The following TBKBP1 variants were observed in gnomAD, a reference collection of about 807,000 sequenced individuals.
TBKBP1 encodes TANK-binding kinase 1-binding protein 1.
In TBKBP1, 47 loss-of-function variants were observed where a neutral mutation model predicts 69.9. The observed-to-expected ratio is 0.67, with a 90% confidence interval of 0.53 to 0.86. The LOEUF is 0.86. Among genes scored for constraint, TBKBP1 ranks in the 40% least tolerant of loss-of-function variants. The pLI, the probability that TBKBP1 is intolerant of heterozygous loss-of-function variation, is 0.00. For synonymous variants in TBKBP1, 418 were observed against 390.3 expected (o/e 1.07, Z -0.84); for missense variants, 831 against 858.6 (o/e 0.97, Z 0.40).
chr17:47,709,246 C>G lies in TBKBP1; in HGVS notation c.1513C>G (p.Pro505Ala). 5 of 1,522,170 alleles carry G rather than the reference C, an allele frequency of 3.3e-6. No homozygotes were observed. Among genetic ancestry groups the G allele is most frequent in the Non-Finnish European group, 4.4e-6 (5 of 1,143,534 alleles). 94.3% of individuals were successfully genotyped at this position (1,522,170 alleles called of 1,614,324 possible). A position where few individuals can be genotyped will look rare whatever the true frequency, so the allele number is the denominator to read the frequency against. ...CTACGGCCCTGGCAGGCCCCTCAGC[C>G]CGCGGCGCGCCTTCGAGGGCATCCG... ...ELYGPGRPLS[P>A]RRAFEGIRLR... is the part of the protein sequence containing the mutation. Residue 505 changes from proline (P) to alanine (A), a missense_variant, in exon 9 of 10, where the codon CCG (proline) becomes GCG (alanine). By Grantham distance (27) the Pro-to-Ala change is conservative. Transcript: ENST00000578982.
Position 47,708,775 on chromosome 17 carries a change from CCCTCCCCCTCCCCGCCTGCCCG to C in TBKBP1, c.1043_1064del (p.Pro348GlnfsTer98). ...ACGCCACTCCCCGGCCCCCCAGTGCCCCTCCCCCTCCCCGCCTGCCCGAGCGGCTCCCCCGTGCCCCCCGTGC... is the reference window on the plus strand; with the variant it reads ...ACGCCACTCCCCGGCCCCCCAGTGCCAGCGGCTCCCCCGTGCCCCCCGTGC... On this transcript the variant is annotated frameshift_variant, in exon 9 of 10. Coordinates refer to ENST00000578982, the MANE Select transcript of TBKBP1 (RefSeq NM_001394755.1). LOFTEE classifies it high-confidence loss of function. The surrounding 1 kb of genome is among the most constrained non-coding windows in gnomAD (Gnocchi z 4.4). The C allele has an allele frequency of 2.2e-6, 2 of 913,852 alleles. No homozygotes were observed. The highest frequency in any genetic ancestry group is 3.3e-6 in the Non-Finnish European group (2 of 612,708). 56.6% of individuals were successfully genotyped at this position (913,852 alleles called of 1,614,324 possible).
rs934579261 is a variant in TBKBP1 at position 47,708,150 on chromosome 17, G to T, written c.873-244G>T. Among the ~76,000 whole-genome samples the T allele has an allele frequency of 6.6e-6, 1 of 152,226 alleles. No homozygotes were observed. Among genetic ancestry groups the T allele is most frequent in the African/African-American group, 2.4e-5 (1 of 41,456 alleles). ...CTCTGCTCCCTGTCCCTGCACTTAG[G>T]CTGGGAACCACTGCCCTAGCCCAGG... On this transcript the variant is annotated intron_variant, in intron 7 of 9. Transcript: ENST00000578982. This position sits in a 1 kb window ranked among gnomAD's most constrained non-coding sequence, Gnocchi z 4.4.
At chr17:47,696,624 C>G (rs2031253184) in intron 2 of TBKBP1, 87 bp from the exon 3 acceptor site, 3 of 1,595,134 alleles carry the variant, frequency 1.9e-6, no homozygotes, top group Non-Finnish European at 2.6e-6. Flanking sequence ...AGGTCTGAGG[C>G]AGGTTGTGGG....
At chr17:47,695,971 T>A (rs1339614597) in intron 1 of TBKBP1, 108 bp from the exon 2 acceptor site, 14 of 640,986 alleles carry the variant, frequency 2.2e-5, no homozygotes, top group Non-Finnish European at 3.5e-5. Flanking sequence ...GCAGGAAGTT[T>A]CTGGGTTGCA....
At position 47,699,124 on chromosome 17, in the gene TBKBP1, T is replaced by C. The variant is rs200957453; in HGVS notation, c.635-196T>C. Among the ~76,000 whole-genome samples the C allele has an allele frequency of 3.9e-5, 6 of 152,274 alleles. No individual in the cohort carries two copies. The East Asian group carries it at 1.2e-3, about 29-fold the overall frequency. ...AGCCTTCAAGAGCCCATCTTATTTTTTTCCTGGCCTCCAGGAAAATTAGAA... is the reference window on the plus strand; with the variant it reads ...AGCCTTCAAGAGCCCATCTTATTTTCTTCCTGGCCTCCAGGAAAATTAGAA... On this transcript the variant is annotated intron_variant, in intron 5 of 9. Transcript: ENST00000578982.
intron 7 of TBKBP1, among the ~76,000 whole-genome samples, chr17:47,701,257 C>T (rs894249599): frequency 6.6e-6 from 1 of 152,094 alleles, no homozygotes. Flanking sequence ...GACCCCTCAG[C>T]TAGGCCTTTG....
chr17:47,706,524 T>C (rs1437265727), intron 7 of TBKBP1, among the ~76,000 whole-genome samples: 1 of 152,142 alleles, frequency 6.6e-6, no homozygotes, highest in African/African-American at 2.4e-5. Context: ...CAGCAGCAGC[T>C]TCTGGGACTC....
In TBKBP1 at chr17:47,710,683, TC is replaced by T; in HGVS notation, c.*58del. The T allele has an allele frequency of 6.4e-7, 1 of 1,561,418 alleles. No individual in the cohort carries two copies. Among genetic ancestry groups the T allele is most frequent in the Non-Finnish European group, 8.7e-7 (1 of 1,143,842 alleles). ...GTCCTCTCCTATCACCCCCAAACACTCACTTTGAATGCTGCATGAATCTCGT... is the reference window on the plus strand; with the variant it reads ...GTCCTCTCCTATCACCCCCAAACACTACTTTGAATGCTGCATGAATCTCGT... On this transcript the variant is annotated 3_prime_UTR_variant, in exon 10 of 10. Coordinates refer to ENST00000578982, the MANE Select transcript of TBKBP1 (RefSeq NM_001394755.1).
At chr17:47,709,493 CT>C in intron 9 of TBKBP1, 41 bp downstream of exon 9, 1 of 1,460,648 alleles carries the variant, frequency 6.8e-7, no homozygotes, top group Non-Finnish European at 9.0e-7. Context: ...CGGACCGGGC[CT>C]TGAGATTGAG....
intron 7 of TBKBP1, among the ~76,000 whole-genome samples, chr17:47,700,219 G>C (rs1422368778): frequency 6.8e-6 from 1 of 148,054 alleles, no homozygotes; most frequent in Non-Finnish European, 1.5e-5. Context: ...TCGATCTCCT[G>C]ACCTTGTGAT....
rs777174458 is a variant in TBKBP1 at position 47,709,249 on chromosome 17, C to T, written c.1516C>T (p.Arg506Trp). ...CGGCCCTGGCAGGCCCCTCAGCCCG[C>T]GGCGCGCCTTCGAGGGCATCCGGCT... ...LYGPGRPLSP[R>W]RAFEGIRLRF... The change falls in exon 9 of 10, where the codon CGG (arginine) becomes TGG (tryptophan). Residue 506 changes from arginine to tryptophan, a missense_variant. Transcript: ENST00000578982. 5.9e-6 allele frequency: 9 copies of T among 1,522,698 alleles called. No individual in the cohort carries two copies. The highest frequency in any genetic ancestry group is 7.9e-6 in the Non-Finnish European group (9 of 1,143,842). The allele number at this position is 1,522,698 out of a possible 1,614,324, so 94.3% of individuals were successfully genotyped here.
At chr17:47,710,408 C>T (rs942459087) in intron 9 of TBKBP1, 90 bp from the exon 10 acceptor site, 5 of 1,532,696 alleles carry the variant, frequency 3.3e-6, no homozygotes, top group African/African-American at 2.7e-5. Flanking sequence ...ACAGCCCTCC[C>T]TGCCCTGGGT....
At chr17:47,696,655 A>C in intron 2 of TBKBP1, 56 bp from the exon 3 acceptor site, 4 of 1,611,634 alleles carry the variant, frequency 2.5e-6, no homozygotes, top group Non-Finnish European at 1.7e-6. Context: ...AGCCAGGCTG[A>C]GGCCTGGGCT....
chr17:47,708,545 C>G lies in TBKBP1; in HGVS notation c.991+33C>G, dbSNP rs374375608. The G allele has an allele frequency of 1.2e-6, 2 of 1,606,582 alleles. No individual in the cohort carries two copies. Among genetic ancestry groups the G allele is most frequent in the Non-Finnish European group, 1.7e-6 (2 of 1,174,468 alleles). ...GGGGCAGGGCAGGGGGAGGCAGCCG[C>G]GGGACCCGGGAAGGAGCGGGTAGCC... On this transcript the variant is annotated intron_variant, in intron 8 of 9. Coordinates refer to ENST00000578982, the MANE Select transcript of TBKBP1 (RefSeq NM_001394755.1). This position sits in a 1 kb window ranked among gnomAD's most constrained non-coding sequence, Gnocchi z 4.4.
At chr17:47,703,402 T>TC (rs1567907459) in intron 7 of TBKBP1, among the ~76,000 whole-genome samples, 1 of 152,062 alleles carries the variant, frequency 6.6e-6, no homozygotes, top group Non-Finnish European at 1.5e-5. Flanking sequence ...GCCCAGGGCC[T>TC]CCCCCTTCAC....
Position 47,710,782 on chromosome 17 carries a change from G to A in TBKBP1, c.*156G>A. 9.0e-7 allele frequency: 1 copy of A among 1,111,860 alleles called. No individual in the cohort carries two copies. Among genetic ancestry groups the A allele is most frequent in the Non-Finnish European group, 1.3e-6 (1 of 785,468 alleles). The allele number at this position is 1,111,860 out of a possible 1,614,324, so 68.9% of individuals were successfully genotyped here. A position where few individuals can be genotyped will look rare whatever the true frequency, so the allele number is the denominator to read the frequency against. On this transcript the variant is annotated 3_prime_UTR_variant, in exon 10 of 10. Coordinates refer to ENST00000578982, the MANE Select transcript of TBKBP1 (RefSeq NM_001394755.1). Reference sequence around the variant, plus strand: ...AGTCAACGTGTGTGCCATCTTCCCTGGTCCAGGCACCACTCAGCTCTGGCT... The same window carrying A: ...AGTCAACGTGTGTGCCATCTTCCCTAGTCCAGGCACCACTCAGCTCTGGCT...
chr17:47,709,442 C>A lies in TBKBP1; in HGVS notation c.1709C>A (p.Pro570Gln), dbSNP rs774732951. 6.5e-7 allele frequency: 1 copy of A among 1,529,048 alleles called. No individual in the cohort carries two copies. The highest frequency in any genetic ancestry group is 1.2e-5 in the South Asian group (1 of 83,170). The allele number at this position is 1,529,048 out of a possible 1,614,324, so 94.7% of individuals were successfully genotyped here. ...CACGCCGAGCACGCGCAGTCCTGGC[C>A]GTCCATCAACGTGAGTGGGGCGCCC... is the stretch of plus-strand genomic sequence containing the variant. ...YAHAEHAQSWPSINLLMETVG... is the reference protein window; with the variant it reads ...YAHAEHAQSWQSINLLMETVG... The change falls in exon 9 of 10, where the codon CCG becomes CAG. Residue 570 changes from proline to glutamine, a missense_variant. By Grantham distance (76) the Pro-to-Gln change is moderately conservative (BLOSUM62 -1). Coordinates refer to ENST00000578982, the MANE Select transcript of TBKBP1 (RefSeq NM_001394755.1).
chr17:47,694,763 G>A (rs908042836), intron 1 of TBKBP1: 2 of 152,150 alleles, frequency 1.3e-5, no homozygotes, highest in Non-Finnish European at 2.9e-5. Context: ...GAGCTGGGGG[G>A]AGGGGATGGC....
chr17:47,705,777 A>G (rs113103968), intron 7 of TBKBP1, among the ~76,000 whole-genome samples: 3 of 152,310 alleles, frequency 2.0e-5, no homozygotes, highest in African/African-American at 4.8e-5. Flanking sequence ...GAGACACCCA[A>G]TGAAGGGGGA....
Sources: allele counts gnomAD v4.1 joint callset (sites outside exome capture counted in the v4.1 genomes callset), GRCh38; gene constraint gnomAD v4.1.1; non-coding constraint Gnocchi (gnomAD v3.1); transcripts MANE v1.5; gene names NCBI Gene and HGNC (gene_info 2026-07-23, HGNC 2026-07-21).